Variants in SPON1 observed in about 807,000 individuals in gnomAD.
SPON1 encodes the protein spondin 1, also known as spondin-1.
SPON1 carries 52 observed loss-of-function variants against 111.7 expected under a neutral mutation model. The ratio of observed to expected loss-of-function variants is 0.47; its 90% CI spans 0.37 to 0.59. The LOEUF is 0.59. SPON1 is among the 20% of genes least tolerant of loss of function. The pLI is 0.00. For missense variants in SPON1, 957 were observed against 1,068.5 expected, an observed-to-expected ratio of 0.90 and a Z score of 1.46; for synonymous variants, 410 against 395.8, an observed-to-expected ratio of 1.04 and a Z score of -0.43.
intron 6 of SPON1, among the ~76,000 whole-genome samples, chr11:14,207,681 A>G (rs7103698): frequency 0.019 from 2,967 of 152,300 alleles, 100 homozygotes; most frequent in African/African-American, 0.068. Context: ...CACACCACTC[A>G]GAATAGCTAT....
chr11:14,098,065 A>G (rs548570005), intron 5 of SPON1, among the ~76,000 whole-genome samples: 100 of 152,196 alleles, frequency 6.6e-4, no homozygotes, highest in Admixed American at 1.5e-3. Context: ...GCACGATCTC[A>G]GCTCACTGCA....
chr11:14,257,568 T>A, intron 10 of SPON1, 148 bp from the exon 11 acceptor site: 1 of 570,672 alleles, frequency 1.8e-6, no homozygotes, highest in South Asian at 2.9e-5. Context: ...GGGAAGTGGA[T>A]GGCTGCTTCC....
chr11:14,189,527 G>C (rs1848322543), intron 6 of SPON1, among the ~76,000 whole-genome samples: 1 of 152,128 alleles, frequency 6.6e-6, no homozygotes, highest in Non-Finnish European at 1.5e-5. Context: ...CTCCAAGCTT[G>C]GCAGTTTTTT....
At chr11:14,145,704 T>C (rs1554929245) in intron 6 of SPON1, among the ~76,000 whole-genome samples, 1 of 152,174 alleles carries the variant, frequency 6.6e-6, no homozygotes. Context: ...CTTTCTGAAA[T>C]AGTCTTGTGC....
chr11:14,145,480 A>T (rs542017487), intron 6 of SPON1, among the ~76,000 whole-genome samples: 3 of 152,350 alleles, frequency 2.0e-5, no homozygotes, highest in Non-Finnish European at 4.4e-5. Context: ...GAGATCATTA[A>T]TATATTACCT....
intron 3 of SPON1, among the ~76,000 whole-genome samples, chr11:14,073,230 A>G (rs935068240): frequency 8.5e-5 from 13 of 152,194 alleles, no homozygotes; most frequent in African/African-American, 3.1e-4. Flanking sequence ...CAAAGGTATC[A>G]CCACCACAGC....
chr11:14,194,783 C>T (rs1383566010), intron 6 of SPON1, among the ~76,000 whole-genome samples: 2 of 152,082 alleles, frequency 1.3e-5, no homozygotes, highest in Non-Finnish European at 2.9e-5. Context: ...AAAACACTGG[C>T]TTGCACAATT....
chr11:14,002,676 G>C (rs782314411), intron 2 of SPON1, among the ~76,000 whole-genome samples: 1 of 152,056 alleles, frequency 6.6e-6, no homozygotes, highest in African/African-American at 2.4e-5. Flanking sequence ...ACTCCCAAGA[G>C]CCTGGTGGCA....
At chr11:14,145,133 T>C (rs1299003594) in intron 6 of SPON1, among the ~76,000 whole-genome samples, 8 of 152,250 alleles carry the variant, frequency 5.3e-5, no homozygotes, top group African/African-American at 1.7e-4. Flanking sequence ...ATTTGAGTCA[T>C]ATGAAACCTC....
intron 2 of SPON1, among the ~76,000 whole-genome samples, chr11:14,036,717 A>G (rs1554916668): frequency 6.6e-6 from 1 of 152,176 alleles, no homozygotes; most frequent in Non-Finnish European, 1.5e-5. Context: ...AAGTCAGAAC[A>G]GGAGAGGGTT....
At chr11:13,976,621 C>T (rs1848105694) in intron 1 of SPON1, among the ~76,000 whole-genome samples, 1 of 152,172 alleles carries the variant, frequency 6.6e-6, no homozygotes. Flanking sequence ...TTATGATTAG[C>T]CCTTTAAGCA....
intron 5 of SPON1, among the ~76,000 whole-genome samples, chr11:14,108,923 G>A (rs928645828): frequency 1.2e-4 from 18 of 152,104 alleles, no homozygotes; most frequent in Admixed American, 5.2e-4. Context: ...CTCTCTCTAT[G>A]TATCCTAGGG....
At chr11:13,968,311 A>T (rs1848034949) in intron 1 of SPON1, among the ~76,000 whole-genome samples, 1 of 152,226 alleles carries the variant, frequency 6.6e-6, no homozygotes, top group African/African-American at 2.4e-5. Flanking sequence ...CCATAAGGCC[A>T]TCCAGGAACC....
rs563317956 is a variant in SPON1 at position 14,111,342 on chromosome 11, A to T, written c.677-24078A>T. Among the ~76,000 whole-genome samples, 86 of 152,272 alleles carry T rather than the reference A, an allele frequency of 5.6e-4. No individual in the cohort carries two copies. The South Asian group carries it at 0.017, about 30-fold the overall frequency. ...TTCTATGATTTTATGGCAGACTCTC[A>T]AGAAAGGCATTAGAGTTGGTTGGGA... On this transcript the variant is annotated intron_variant, in intron 5 of 15. Coordinates refer to ENST00000576479, the MANE Select transcript of SPON1 (RefSeq NM_006108.4).
rs548258998 is a variant in SPON1, at chr11:14,102,732, T to A, written c.676+22711T>A. 2.0e-5 allele frequency among the ~76,000 whole-genome samples: 3 copies of A among 152,348 alleles called. No homozygotes were observed. In the East Asian group the frequency reaches 5.8e-4, roughly 29 times the overall value. On this transcript the variant is annotated intron_variant, in intron 5 of 15. Coordinates refer to ENST00000576479, the MANE Select transcript of SPON1 (RefSeq NM_006108.4). ...GCAGTTACTATGTAGACTCTCCTTC[T>A]GTCTGGGGCTGTCTGATGCTTTCTC... is the stretch of plus-strand genomic sequence containing the variant.
At chr11:14,124,297 T>C (rs1237012538) in intron 5 of SPON1, among the ~76,000 whole-genome samples, 1 of 152,170 alleles carries the variant, frequency 6.6e-6, no homozygotes, top group Admixed American at 6.6e-5. Flanking sequence ...TCTACAAAAA[T>C]AACCTTCCCC....
chr11:14,244,562 C>G (rs376311441), intron 7 of SPON1, among the ~76,000 whole-genome samples: 5 of 151,010 alleles, frequency 3.3e-5, no homozygotes, highest in African/African-American at 1.2e-4. Context: ...GCCTGGGCAA[C>G]ATGGCAAAAC....
chr11:14,261,602 C>T (rs1849183237), intron 14 of SPON1, among the ~76,000 whole-genome samples: 1 of 152,194 alleles, frequency 6.6e-6, no homozygotes, highest in African/African-American at 2.4e-5. Flanking sequence ...CTCCATGCTC[C>T]AGCTCCTGGG....
intron 2 of SPON1, among the ~76,000 whole-genome samples, chr11:14,023,038 C>T (rs1848492274): frequency 1.3e-5 from 2 of 152,108 alleles, no homozygotes; most frequent in South Asian, 4.2e-4. Context: ...CAAAGGGAAC[C>T]ATCCAAGGCT....
Sources: gnomAD v4.1 joint callset for allele counts (sites outside exome capture counted in the v4.1 genomes callset) on GRCh38, gnomAD v4.1.1 for gene constraint, MANE v1.5 for transcripts, NCBI Gene and HGNC (gene_info 2026-07-23, HGNC 2026-07-21) for gene names.